NKAIN3: variants seen among roughly 807,000 people sequenced by gnomAD.
NKAIN3 encodes sodium/potassium transporting ATPase interacting 3.
NKAIN3 carries 25 observed loss-of-function variants against 30.2 expected under a neutral mutation model. That is an observed-to-expected ratio of 0.83 (90% CI 0.60 to 1.16). NKAIN3 has a LOEUF of 1.16. Ranked by LOEUF, NKAIN3 falls within the 50% of genes most tolerant of loss-of-function variation. The pLI is 0.00. For missense variants in NKAIN3, 225 were observed against 254.1 expected (o/e 0.89, Z 0.78); for synonymous variants, 91 against 89.6 (o/e 1.02, Z -0.09).
At chr8:62,453,976 T>C (rs527817485) in intron 1 of NKAIN3, among the ~76,000 whole-genome samples, 5 of 152,242 alleles carry the variant, frequency 3.3e-5, no homozygotes, top group South Asian at 4.1e-4. Context: ...ATCATTCCTA[T>C]TGAAACTATT....
intron 1 of NKAIN3, among the ~76,000 whole-genome samples, chr8:62,294,333 A>C (rs1350638348): frequency 6.6e-6 from 1 of 152,174 alleles, no homozygotes; most frequent in Non-Finnish European, 1.5e-5. Context: ...AGCTGTTCCT[A>C]TTCAGCCATC....
At chr8:62,748,434 C>T (rs184280457) in intron 4 of NKAIN3, among the ~76,000 whole-genome samples, 145 of 152,296 alleles carry the variant, frequency 9.5e-4, no homozygotes, top group Admixed American at 1.6e-3. Context: ...CAAGCCTCTA[C>T]GTGAGTAATG....
At chr8:62,382,302 G>T (rs902726685) in intron 1 of NKAIN3, among the ~76,000 whole-genome samples, 1 of 152,066 alleles carries the variant, frequency 6.6e-6, no homozygotes, top group African/African-American at 2.4e-5. Context: ...CATTAAGTGG[G>T]TCATAATAAA....
intron 4 of NKAIN3, among the ~76,000 whole-genome samples, chr8:62,800,351 T>A (rs971647555): frequency 6.6e-6 from 1 of 152,194 alleles, no homozygotes; most frequent in African/African-American, 2.4e-5. Context: ...CTGCAAAGCA[T>A]TGTTTGTGAT....
chr8:62,528,801 C>T (rs565910063), intron 1 of NKAIN3, among the ~76,000 whole-genome samples: 1 of 152,212 alleles, frequency 6.6e-6, no homozygotes, highest in African/African-American at 2.4e-5. Flanking sequence ...CAACCACAAG[C>T]TTGCTCCCTG....
intron 4 of NKAIN3, among the ~76,000 whole-genome samples, chr8:62,859,391 T>A (rs1168868891): frequency 1.3e-5 from 2 of 151,764 alleles, no homozygotes; most frequent in African/African-American, 4.8e-5. Context: ...TTTATTCTAC[T>A]TTGACCACCA....
chr8:62,708,354 G>T (rs1452221892), intron 3 of NKAIN3, among the ~76,000 whole-genome samples: 1 of 152,148 alleles, frequency 6.6e-6, no homozygotes, highest in Non-Finnish European at 1.5e-5. Context: ...ACCCTTCCAT[G>T]AGCATGGGAT....
chr8:62,509,376 T>G (rs961139816), intron 1 of NKAIN3, among the ~76,000 whole-genome samples: 1 of 152,172 alleles, frequency 6.6e-6, no homozygotes, highest in Non-Finnish European at 1.5e-5. Flanking sequence ...CGGCAAGATA[T>G]GCAGCCCTAG....
intron 4 of NKAIN3, among the ~76,000 whole-genome samples, chr8:62,794,552 G>A (rs1168200834): frequency 1.3e-5 from 2 of 152,134 alleles, no homozygotes; most frequent in African/African-American, 4.8e-5. Flanking sequence ...GTTTCTTGAG[G>A]TGAGGGGCTG....
At chr8:62,716,830 G>C (rs1814918980) in intron 3 of NKAIN3, among the ~76,000 whole-genome samples, 1 of 152,036 alleles carries the variant, frequency 6.6e-6, no homozygotes, top group Non-Finnish European at 1.5e-5. Flanking sequence ...AGCCATGGTA[G>C]CTCACATCTA....
At chr8:62,359,928 C>T (rs1347496454) in intron 1 of NKAIN3, among the ~76,000 whole-genome samples, 1 of 152,190 alleles carries the variant, frequency 6.6e-6, no homozygotes, top group Non-Finnish European at 1.5e-5. Context: ...GCTCTTATTA[C>T]ATAAACGGTA....
At chr8:62,577,484 T>G (rs1012607124) in intron 1 of NKAIN3, among the ~76,000 whole-genome samples, 6 of 148,482 alleles carry the variant, frequency 4.0e-5, no homozygotes, top group Non-Finnish European at 7.5e-5. Context: ...TTTGGTTTTT[T>G]TTTTTGTTTG....
At chr8:62,807,983 A>G (rs1334857880) in intron 4 of NKAIN3, among the ~76,000 whole-genome samples, 6 of 152,088 alleles carry the variant, frequency 3.9e-5, no homozygotes, top group Non-Finnish European at 7.4e-5. Flanking sequence ...AAATTTTAAA[A>G]AAGACATATA....
intron 4 of NKAIN3, among the ~76,000 whole-genome samples, chr8:62,895,605 A>G (rs1326806456): frequency 1.3e-5 from 2 of 152,152 alleles, no homozygotes; most frequent in African/African-American, 4.8e-5. Flanking sequence ...CCTTCTCCCA[A>G]CTAGCTTTTG....
chr8:62,953,638 C>T (rs1823344757), intron 5 of NKAIN3, among the ~76,000 whole-genome samples: 1 of 152,158 alleles, frequency 6.6e-6, no homozygotes, highest in Non-Finnish European at 1.5e-5. Context: ...AAATCTCATG[C>T]TATTTAATAT....
chr8:62,703,002 C>T (rs28666681), intron 3 of NKAIN3, among the ~76,000 whole-genome samples: 2,837 of 152,252 alleles, frequency 0.019, 84 homozygotes, highest in African/African-American at 0.063. Flanking sequence ...TTAATGATCG[C>T]CTCCGTTTAC....
intron 1 of NKAIN3, among the ~76,000 whole-genome samples, chr8:62,407,405 T>TG (rs1181958025): frequency 2.0e-4 from 6 of 30,082 alleles, no homozygotes; most frequent in East Asian, 1.1e-3. Flanking sequence ...ATAGTTGTTT[T>TG]TTTTTTTTTT....
intron 3 of NKAIN3, among the ~76,000 whole-genome samples, chr8:62,671,611 A>G (rs1339043445): frequency 1.3e-5 from 2 of 152,188 alleles, no homozygotes; most frequent in Non-Finnish European, 2.9e-5. Context: ...AGTAGTATAA[A>G]ACTAAACTAA....
chr8:62,416,737 G>A (rs1220047316), intron 1 of NKAIN3, among the ~76,000 whole-genome samples: 1 of 152,098 alleles, frequency 6.6e-6, no homozygotes, highest in East Asian at 1.9e-4. Flanking sequence ...GCTCACGCCT[G>A]TAATCCCAGC....
Sources: gnomAD v4.1 joint callset for allele counts (sites outside exome capture counted in the v4.1 genomes callset) on GRCh38, gnomAD v4.1.1 for gene constraint, MANE v1.5 for transcripts, NCBI Gene and HGNC (gene_info 2026-07-23, HGNC 2026-07-21) for gene names.